FYB1: variants seen among roughly 807,000 people sequenced by gnomAD.
FYB1 encodes FYN-binding protein 1.
Under a neutral mutation model 94.1 loss-of-function variants are expected in FYB1, and 41 were observed. The observed-to-expected ratio is 0.44, with a 90% CI of 0.34 to 0.57. The LOEUF (loss-of-function observed/expected upper bound fraction) is 0.57. FYB1 is among the 20% of genes least tolerant of loss of function. The pLI is 0.02. For synonymous variants in FYB1, 367 were observed against 353.2 expected, an observed-to-expected ratio of 1.04 and a Z score of -0.44; for missense variants, 1,050 against 976.8, an observed-to-expected ratio of 1.07 and a Z score of -1.00.
At chr5:39,193,944 T>C (rs1298327817) in intron 2 of FYB1, among the ~76,000 whole-genome samples, 1 of 152,214 alleles carries the variant, frequency 6.6e-6, no homozygotes, top group Non-Finnish European at 1.5e-5. Flanking sequence ...GGATTAGAAC[T>C]TGCAGATGCA....
chr5:39,262,302 CG>C (rs924720584), intron 1 of FYB1, among the ~76,000 whole-genome samples: 26 of 150,022 alleles, frequency 1.7e-4, no homozygotes, highest in African/African-American at 4.7e-4. Context: ...TAAATCAACA[CG>C]AAAAAAAAAT....
chr5:39,147,090 C>T (rs931136057), intron 3 of FYB1, among the ~76,000 whole-genome samples: 8 of 152,090 alleles, frequency 5.3e-5, no homozygotes, highest in Non-Finnish European at 1.0e-4. Flanking sequence ...GAAAAAGAAG[C>T]TTATCAGTTA....
At chr5:39,200,999 T>C (rs1406384996) in intron 2 of FYB1, among the ~76,000 whole-genome samples, 1 of 152,206 alleles carries the variant, frequency 6.6e-6, no homozygotes, top group Non-Finnish European at 1.5e-5. Flanking sequence ...GGTAGAAATT[T>C]AAACTATTTA....
At chr5:39,144,321 C>A (rs1023146066) in intron 3 of FYB1, among the ~76,000 whole-genome samples, 6 of 152,114 alleles carry the variant, frequency 3.9e-5, no homozygotes, top group Non-Finnish European at 4.4e-5. Flanking sequence ...TTGATCCAGC[C>A]ACCTCTACCT....
chr5:39,249,825 A>C (rs893782196), intron 1 of FYB1, among the ~76,000 whole-genome samples: 2 of 152,224 alleles, frequency 1.3e-5, no homozygotes, highest in African/African-American at 4.8e-5. Flanking sequence ...CATGTGAGCC[A>C]TCAGCAAAGA....
chr5:39,238,765 C>T (rs1266702432), intron 1 of FYB1, among the ~76,000 whole-genome samples: 1 of 152,084 alleles, frequency 6.6e-6, no homozygotes, highest in Non-Finnish European at 1.5e-5. Context: ...ATGATTAAGC[C>T]TAAAGGAAAG....
intron 1 of FYB1, among the ~76,000 whole-genome samples, chr5:39,248,505 C>T (rs536870543): frequency 2.0e-4 from 30 of 152,100 alleles, no homozygotes; most frequent in Non-Finnish European, 4.0e-4. Context: ...ATGGAGAAAC[C>T]TCGAAGACGT....
chr5:39,174,448 G>T (rs1745522858), intron 2 of FYB1, among the ~76,000 whole-genome samples: 1 of 152,166 alleles, frequency 6.6e-6, no homozygotes, highest in Non-Finnish European at 1.5e-5. Flanking sequence ...AAACAAACCA[G>T]TTGATTATTT....
chr5:39,144,734 G>A (rs1361786479), intron 3 of FYB1, among the ~76,000 whole-genome samples: 1 of 152,138 alleles, frequency 6.6e-6, no homozygotes, highest in African/African-American at 2.4e-5. Flanking sequence ...CCCGGGAGGT[G>A]GAGATTGCAG....
In FYB1 at chr5:39,124,282, C is replaced by A; in HGVS notation, c.2046-4G>T. ...TTGTTTAGGAGGAGCAGGGAAACTA[C>A]AAAGAAAGTGAGAACACAATTATAA... is the stretch of plus-strand genomic sequence containing the variant. On this transcript the variant is annotated splice_region_variant and splice_polypyrimidine_tract_variant and intron_variant, in intron 12 of 18. Coordinates refer to ENST00000512982, the MANE Select transcript of FYB1 (RefSeq NM_001465.6). The A allele has an allele frequency of 6.5e-7, 1 of 1,548,726 alleles. No homozygotes were observed. Among genetic ancestry groups the A allele is most frequent in the Admixed American group, 2.1e-5 (1 of 46,650 alleles).
chr5:39,106,323 T>C lies in FYB1; in HGVS notation c.*1120A>G, dbSNP rs1281285161. On this transcript the variant is annotated 3_prime_UTR_variant, in exon 19 of 19. Coordinates refer to ENST00000512982, the MANE Select transcript of FYB1 (RefSeq NM_001465.6). ...ACTCTAGGAGTTGTTAAAAAGCACT[T>C]AATATCTTCTTTTCTTGGGTGTTAG... 3.3e-5 allele frequency: 5 copies of C among 152,162 alleles called. No homozygotes were observed. Among genetic ancestry groups the C allele is most frequent in the Admixed American group, 6.5e-5 (1 of 15,272 alleles). 9.4% of individuals were successfully genotyped at this position (152,162 alleles called of 1,614,324 possible).
chr5:39,142,838 T>A (rs1742308021), intron 3 of FYB1, among the ~76,000 whole-genome samples: 1 of 152,220 alleles, frequency 6.6e-6, no homozygotes, highest in Non-Finnish European at 1.5e-5. Flanking sequence ...TGCATCTCAC[T>A]TGATTGCTTT....
Position 39,156,953 on chromosome 5 carries a change from T to C in FYB1, c.1136-3349A>G, listed in dbSNP as rs12519950. On this transcript the variant is annotated intron_variant, in intron 2 of 18. Transcript: ENST00000512982. ...AATAGAAACAATAAAGATAAAAATA[T>C]CTGGGAATAATGATATTAAATAATA... Among the ~76,000 whole-genome samples the C allele has an allele frequency of 9.3e-3, 1,419 of 152,246 alleles. 54 individuals are homozygous for C. The highest frequency in any genetic ancestry group is 0.069 in the Admixed American group (1,056 of 15,294).
chr5:39,133,814 C>T lies in FYB1; in HGVS notation c.1817+394G>A, dbSNP rs149478318. On this transcript the variant is annotated intron_variant, in intron 9 of 18. Transcript: ENST00000512982. ...TTTTTGTCGTATTTTCAAAAAATAACAACAAATATATTTAGAATCAGAGAT... is the reference window on the plus strand; with the variant it reads ...TTTTTGTCGTATTTTCAAAAAATAATAACAAATATATTTAGAATCAGAGAT... Among the ~76,000 whole-genome samples the T allele has an allele frequency of 3.3e-3, 495 of 151,590 alleles. 2 individuals are homozygous for T. Among genetic ancestry groups the T allele is most frequent in the Non-Finnish European group, 4.2e-3 (288 of 67,882 alleles).
intron 2 of FYB1, among the ~76,000 whole-genome samples, chr5:39,180,682 T>C (rs1746142850): frequency 6.6e-6 from 1 of 152,164 alleles, no homozygotes; most frequent in South Asian, 2.1e-4. Flanking sequence ...AGTGGTAAAA[T>C]GTGGTTGGTA....
At chr5:39,126,552 C>T (rs1246570175) in intron 11 of FYB1, among the ~76,000 whole-genome samples, 3 of 151,646 alleles carry the variant, frequency 2.0e-5, no homozygotes, top group African/African-American at 7.3e-5. Context: ...AAAACATTAG[C>T]TGGGTGTGGT....
chr5:39,117,113 G>T (rs1322465997), intron 16 of FYB1, among the ~76,000 whole-genome samples: 1 of 152,078 alleles, frequency 6.6e-6, no homozygotes, highest in Non-Finnish European at 1.5e-5. Flanking sequence ...AAAGTAGAGG[G>T]CAGAAAATAC....
In FYB1 at chr5:39,108,240, T is replaced by C; in HGVS notation, c.2458A>G (p.Ile820Val). The C allele has an allele frequency of 6.5e-7, 1 of 1,527,186 alleles. No homozygotes were observed. Among genetic ancestry groups the C allele is most frequent in the South Asian group, 1.2e-5 (1 of 82,944 alleles). 94.6% of individuals were successfully genotyped at this position (1,527,186 alleles called of 1,614,324 possible). Residue 820 changes from isoleucine (I) to valine (V), a missense_variant, in exon 18 of 19, where the codon ATT becomes GTT. Coordinates refer to ENST00000512982, the MANE Select transcript of FYB1 (RefSeq NM_001465.6). ...ADNDGEIYDD[I>V]ADGCIYDND ...ACTACATAAGACTTACCATCAGCAATATCATCATAGATCTCTCCATCACTG... is the reference window on the plus strand; with the variant it reads ...ACTACATAAGACTTACCATCAGCAACATCATCATAGATCTCTCCATCACTG...
intron 1 of FYB1, among the ~76,000 whole-genome samples, chr5:39,242,875 T>C (rs2150591211): frequency 6.6e-6 from 1 of 152,352 alleles, no homozygotes; most frequent in Admixed American, 6.5e-5. Flanking sequence ...TTGATTTGCA[T>C]TTCTCTGATG....
Sources: gnomAD v4.1 joint callset for allele counts (sites outside exome capture counted in the v4.1 genomes callset) on GRCh38, gnomAD v4.1.1 for gene constraint, MANE v1.5 for transcripts, NCBI Gene and HGNC (gene_info 2026-07-23, HGNC 2026-07-21) for gene names.